RNF220: variants seen among roughly 807,000 people sequenced by gnomAD.
RNF220 encodes ring finger protein 220, also known as E3 ubiquitin-protein ligase RNF220.
In RNF220, 7 loss-of-function variants were observed where a neutral mutation model predicts 67.1. The ratio of observed to expected loss-of-function variants is 0.10; its 90% CI spans 0.06 to 0.20. RNF220 has a LOEUF of 0.20. Among genes scored for constraint, RNF220 ranks in the 10% least tolerant of loss-of-function variants. RNF220 has a pLI of 1.00. For missense variants in RNF220, 565 were observed against 740.3 expected (o/e 0.76, Z 2.75); for synonymous variants, 270 against 283.2 (o/e 0.95, Z 0.47).
chr1:44,492,627 G>A (rs796433454), intron 2 of RNF220, among the ~76,000 whole-genome samples: 11 of 152,182 alleles, frequency 7.2e-5, no homozygotes, highest in African/African-American at 1.9e-4. Flanking sequence ...ATGGAAGAAC[G>A]TTGAATACAT....
intron 2 of RNF220, among the ~76,000 whole-genome samples, chr1:44,574,630 C>T (rs1479256569): frequency 4.6e-5 from 7 of 152,172 alleles, no homozygotes; most frequent in Non-Finnish European, 7.3e-5. Context: ...AGAGAGAGCA[C>T]CCAGGTCAGC....
At position 44,635,745 on chromosome 1, in the gene RNF220, G is replaced by A. The variant is rs993572743; in HGVS notation, c.993+157G>A. On this transcript the variant is annotated intron_variant, in intron 7 of 14. Coordinates refer to ENST00000361799, the MANE Select transcript of RNF220 (RefSeq NM_018150.4). ...AGCTGCTGACTGCCCCTGAATCTGT[G>A]GGCTCTTGGGGTCTCCATGTGGTCT... The A allele has an allele frequency of 3.4e-6, 5 of 1,473,296 alleles. No individual in the cohort carries two copies. In the African/African-American group the frequency reaches 7.1e-5, roughly 21 times the overall value. 91.3% of individuals were successfully genotyped at this position (1,473,296 alleles called of 1,614,324 possible). A position where few individuals can be genotyped will look rare whatever the true frequency, so the allele number is the denominator to read the frequency against.
At chr1:44,583,314 C>T (rs1665453661) in intron 2 of RNF220, among the ~76,000 whole-genome samples, 1 of 152,010 alleles carries the variant, frequency 6.6e-6, no homozygotes, top group Non-Finnish European at 1.5e-5. Flanking sequence ...GCTCCGTGTA[C>T]CCAGAAGTAA....
At position 44,622,676 on chromosome 1, in the gene RNF220, T is replaced by C. The variant is rs962441805; in HGVS notation, c.759-66T>C. Reference sequence around the variant, plus strand: ...TTCTCTGTCTTTGGGGTCTTCTTGCTACTCTACCGTTGCATGCCCTGGGCA... The same window carrying C: ...TTCTCTGTCTTTGGGGTCTTCTTGCCACTCTACCGTTGCATGCCCTGGGCA... On this transcript the variant is annotated intron_variant, in intron 3 of 14. Transcript: ENST00000361799. The surrounding 1 kb of genome is among the most constrained non-coding windows in gnomAD (Gnocchi z 4.3). 8 of 1,431,310 alleles carry C rather than the reference T, an allele frequency of 5.6e-6. No homozygotes were observed. The African/African-American group carries it at 9.8e-5, about 18-fold the overall frequency. 88.7% of individuals were successfully genotyped at this position (1,431,310 alleles called of 1,614,324 possible).
At chr1:44,640,613 G>A (rs1214360807) in intron 8 of RNF220, among the ~76,000 whole-genome samples, 4 of 152,326 alleles carry the variant, frequency 2.6e-5, no homozygotes, top group Non-Finnish European at 4.4e-5. Context: ...GAGGAGGCCC[G>A]GAAAGTGGCT....
chr1:44,573,566 T>C (rs1328838482), intron 2 of RNF220, among the ~76,000 whole-genome samples: 1 of 152,236 alleles, frequency 6.6e-6, no homozygotes, highest in Non-Finnish European at 1.5e-5. Context: ...GGAGAGTTCA[T>C]ATCAGATAGC....
chr1:44,570,460 A>T (rs1664354912), intron 2 of RNF220, among the ~76,000 whole-genome samples: 1 of 152,174 alleles, frequency 6.6e-6, no homozygotes, highest in African/African-American at 2.4e-5. Flanking sequence ...GAGGCACGCC[A>T]TGTGTTAAGG....
At chr1:44,553,034 T>G (rs186303245) in intron 2 of RNF220, among the ~76,000 whole-genome samples, 2 of 152,308 alleles carry the variant, frequency 1.3e-5, no homozygotes, top group Non-Finnish European at 2.9e-5. Context: ...TTGCACATAC[T>G]GTTCCCTTCT....
At chr1:44,560,009 C>G (rs1459415066) in intron 2 of RNF220, among the ~76,000 whole-genome samples, 3 of 152,226 alleles carry the variant, frequency 2.0e-5, no homozygotes, top group Non-Finnish European at 4.4e-5. Flanking sequence ...TTCAGCACCT[C>G]CCGGCTCTCT....
At chr1:44,594,683 C>T (rs1666352376) in intron 2 of RNF220, among the ~76,000 whole-genome samples, 1 of 152,192 alleles carries the variant, frequency 6.6e-6, no homozygotes, top group Non-Finnish European at 1.5e-5. Flanking sequence ...ATCAGAGAGG[C>T]TAAGGGGGCA....
intron 12 of RNF220, among the ~76,000 whole-genome samples, chr1:44,647,942 A>G (rs1181129435): frequency 6.6e-6 from 1 of 152,092 alleles, no homozygotes; most frequent in Non-Finnish European, 1.5e-5. Context: ...CAGCATCCTC[A>G]GCAGCTTCCT....
intron 2 of RNF220, among the ~76,000 whole-genome samples, chr1:44,521,572 G>T (rs1659944794): frequency 6.6e-6 from 1 of 152,152 alleles, no homozygotes; most frequent in African/African-American, 2.4e-5. Context: ...GCCTCTGTGG[G>T]TGTGGGTGGG....
At chr1:44,561,184 G>T (rs1354364905) in intron 2 of RNF220, among the ~76,000 whole-genome samples, 2 of 152,188 alleles carry the variant, frequency 1.3e-5, no homozygotes, top group Non-Finnish European at 2.9e-5. Flanking sequence ...GTTAGGCAAG[G>T]CTTCCTGAAG....
chr1:44,529,459 C>T (rs916578476), intron 2 of RNF220, among the ~76,000 whole-genome samples: 2 of 152,108 alleles, frequency 1.3e-5, no homozygotes, highest in African/African-American at 4.8e-5. Context: ...ACTGCAGCCT[C>T]CACCTCCCAG....
At chr1:44,492,004 A>G (rs940841541) in intron 2 of RNF220, among the ~76,000 whole-genome samples, 3 of 152,096 alleles carry the variant, frequency 2.0e-5, no homozygotes, top group Non-Finnish European at 4.4e-5. Context: ...ATAGTACTGG[A>G]GGTTTTAGCT....
rs35521644 is a variant in RNF220, at chr1:44,621,892, ATGTGTG to A, written c.759-839_759-834del. On this transcript the variant is annotated intron_variant, in intron 3 of 14. Coordinates refer to ENST00000361799, the MANE Select transcript of RNF220 (RefSeq NM_018150.4). The surrounding 1 kb of genome is among the most constrained non-coding windows in gnomAD (Gnocchi z 4.8). ...TTCATCAGCCAGCACTTCTGTGAGC[ATGTGTG>A]TGTGTGTGTGAGTGCACGCGCATGA... 3.3e-5 allele frequency among the ~76,000 whole-genome samples: 5 copies of A among 151,174 alleles called. No individual in the cohort carries two copies. The highest frequency in any genetic ancestry group is 2.6e-4 in the Admixed American group (4 of 15,144).
At chr1:44,493,958 G>A (rs1002021802) in intron 2 of RNF220, among the ~76,000 whole-genome samples, 3 of 152,144 alleles carry the variant, frequency 2.0e-5, no homozygotes, top group Admixed American at 2.0e-4. Context: ...TGTAATCCCA[G>A]CATTTTAGGA....
chr1:44,409,328 A>G lies in RNF220; in HGVS notation c.-117-2653A>G, dbSNP rs114495732. Among the ~76,000 whole-genome samples the G allele has an allele frequency of 7.3e-3, 1,114 of 152,302 alleles. 15 individuals are homozygous for G. The highest frequency in any genetic ancestry group is 0.025 in the African/African-American group (1,054 of 41,546). Reference sequence around the variant, plus strand: ...CCAGACAATTTATTTAGCTTCGTGGATTGATCCCTCCTCCTTGTTTAGTTA... The same window carrying G: ...CCAGACAATTTATTTAGCTTCGTGGGTTGATCCCTCCTCCTTGTTTAGTTA... On this transcript the variant is annotated intron_variant, in intron 1 of 14. Transcript: ENST00000361799.
intron 2 of RNF220, among the ~76,000 whole-genome samples, chr1:44,552,155 T>C (rs1165472951): frequency 6.6e-6 from 1 of 152,208 alleles, no homozygotes; most frequent in African/African-American, 2.4e-5. Context: ...TCAGAACTTG[T>C]GAGCAGGAAA....
Sources: gnomAD v4.1 joint callset for allele counts (sites outside exome capture counted in the v4.1 genomes callset) on GRCh38, gnomAD v4.1.1 for gene constraint, Gnocchi (gnomAD v3.1) non-coding constraint, MANE v1.5 for transcripts, NCBI Gene and HGNC (gene_info 2026-07-23, HGNC 2026-07-21) for gene names.